LEO1: variants seen among roughly 807,000 people sequenced by gnomAD.
The protein encoded by LEO1 is LEO1 component of Paf1/RNA polymerase II complex.
LEO1 carries 34 observed loss-of-function variants against 80.4 expected under a neutral mutation model. The observed-to-expected ratio is 0.42, with a 90% CI of 0.32 to 0.56. The LOEUF (loss-of-function observed/expected upper bound fraction) is 0.56, where lower values mean the gene tolerates loss of function less well. Ranked by LOEUF, LEO1 falls within the 20% of genes least tolerant of loss-of-function variation. The probability of loss-of-function intolerance (pLI) is 0.10; values close to 1 mark genes in which losing one functional copy is unlikely to be tolerated. For synonymous variants in LEO1, 262 were observed against 274.9 expected, an observed-to-expected ratio of 0.95 and a Z score of 0.46; for missense variants, 631 against 814.2, an observed-to-expected ratio of 0.77 and a Z score of 2.74.
rs1269227232 is a variant in LEO1, at chr15:51,965,888, C to A, written c.675G>T (p.Glu225Asp). ...GTTCTTCATCATCAGAATTCTGTTT[C>A]TCATCATCATTATCAGAAGCTACCG... ...ERPVASDNDD[E>D]KQNSDDEEQP... Residue 225 changes from glutamate (E) to aspartate (D), a missense_variant, in exon 2 of 12, where the codon GAG (glutamate) becomes GAT (aspartate). Around this residue, in one of 4 missense-constraint regions of LEO1, gnomAD observed 394 missense variants for 395.6 expected, o/e 1.00. Transcript: ENST00000299601. 1.8e-5 allele frequency: 29 copies of A among 1,613,946 alleles called. No homozygotes were observed. The highest frequency in any genetic ancestry group is 4.2e-6 in the Non-Finnish European group (5 of 1,180,028).
At position 51,965,913 on chromosome 15, in the gene LEO1, G is replaced by A. The variant is rs143527162; in HGVS notation, c.650C>T (p.Pro217Leu). The change falls in exon 2 of 12, where the codon CCG becomes CTG. Residue 217 changes from proline to leucine, a missense_variant. Transcript: ENST00000299601. ...EEKANSDDER[P>L]VASDNDDEKQ... is the part of the protein sequence containing the mutation. ...CTCATCATCATTATCAGAAGCTACC[G>A]GCCGTTCATCATCAGAATTAGCCTT... 3.5e-5 allele frequency: 57 copies of A among 1,613,796 alleles called. No homozygotes were observed. The highest frequency in any genetic ancestry group is 1.7e-4 in the African/African-American group (13 of 74,852).
chr15:51,968,280 T>A (rs1464505192), intron 1 of LEO1, among the ~76,000 whole-genome samples: 1 of 152,062 alleles, frequency 6.6e-6, no homozygotes, highest in East Asian at 1.9e-4. Context: ...CGGTGGCTCA[T>A]GCCTGTAATC....
At chr15:51,962,612 G>C (rs764842322) in intron 2 of LEO1, 119 bp from the exon 3 acceptor site, 1 of 655,538 alleles carries the variant, frequency 1.5e-6, no homozygotes, top group African/African-American at 1.8e-5. Flanking sequence ...CAGCAATAAA[G>C]AGGAATGAAC....
At chr15:51,941,616 G>A (rs2593202) in intron 11 of LEO1, among the ~76,000 whole-genome samples, 66,606 of 151,868 alleles carry the variant, frequency 0.44, 14,848 homozygotes, top group Admixed American at 0.52. Flanking sequence ...ACAGAGTACC[G>A]GCACACACTT....
intron 5 of LEO1, 98 bp from the exon 6 acceptor site, chr15:51,958,924 A>C (rs2057009588): frequency 3.6e-6 from 2 of 554,854 alleles, no homozygotes; most frequent in Admixed American, 3.6e-5. Flanking sequence ...TTATATCAAA[A>C]AATCATAATA....
rs767663784 is a variant in LEO1, at chr15:51,938,155, TTCAA to T, written c.1998_2001del (p.Asp666GlufsTer3). ...TATAAAATGTTTTCATATTTCATAC[TTCAA>T]TCATCATCTTCTTCCTCTTCATCGC... is the stretch of plus-strand genomic sequence containing the variant. On this transcript the variant is annotated frameshift_variant and stop_lost, in exon 12 of 12. Coordinates refer to ENST00000299601, the MANE Select transcript of LEO1 (RefSeq NM_138792.4). LOFTEE classifies it high-confidence loss of function. 3 of 1,495,918 alleles carry T rather than the reference TTCAA, an allele frequency of 2.0e-6. No homozygotes were observed. The highest frequency in any genetic ancestry group is 4.5e-5 in the East Asian group (2 of 44,264). The allele number at this position is 1,495,918 out of a possible 1,614,324, so 92.7% of individuals were successfully genotyped here.
intron 6 of LEO1, among the ~76,000 whole-genome samples, chr15:51,955,424 A>T (rs2570270): frequency 0.048 from 7,243 of 152,302 alleles, 406 homozygotes; most frequent in African/African-American, 0.12. Context: ...TTAGAGCCTA[A>T]CTATCTTACC....
chr15:51,970,110 A>G (rs2057110970), intron 1 of LEO1, among the ~76,000 whole-genome samples: 1 of 152,118 alleles, frequency 6.6e-6, no homozygotes, highest in South Asian at 2.1e-4. Context: ...ACTCCTACAT[A>G]ATACCCTCCT....
chr15:51,960,077 A>T, intron 4 of LEO1, 33 bp from the exon 5 acceptor site: 1 of 1,575,760 alleles, frequency 6.3e-7, no homozygotes. Flanking sequence ...GGAGCTTGAC[A>T]GGACCTTAGA....
Position 51,949,853 on chromosome 15 carries a change from T to TG in LEO1, c.1752dup (p.Ile585HisfsTer7). 6.2e-7 allele frequency: 1 copy of TG among 1,614,038 alleles called. No homozygotes were observed. Among genetic ancestry groups the TG allele is most frequent in the South Asian group, 1.1e-5 (1 of 91,070 alleles). ...CGGTTTTTAATGGCAGCCAAGCTGA[T>TG]GGACTCCTCGCCTTCCTCCTCCTCA... On this transcript the variant is annotated frameshift_variant, in exon 10 of 12. Coordinates refer to ENST00000299601, the MANE Select transcript of LEO1 (RefSeq NM_138792.4). LOFTEE classifies it high-confidence loss of function.
At chr15:51,958,969 G>T in intron 5 of LEO1, 143 bp from the exon 6 acceptor site, 1 of 487,496 alleles carries the variant, frequency 2.1e-6, no homozygotes, top group Admixed American at 4.0e-5. Context: ...ATATCTTCAT[G>T]CTTAACTTCA....
At chr15:51,965,154 G>T (rs2057064911) in intron 2 of LEO1, among the ~76,000 whole-genome samples, 1 of 152,172 alleles carries the variant, frequency 6.6e-6, no homozygotes, top group South Asian at 2.1e-4. Context: ...TGCCCCCGGG[G>T]AAACATATGG....
chr15:51,962,547 G>T, intron 2 of LEO1, 54 bp from the exon 3 acceptor site: 1 of 1,324,962 alleles, frequency 7.5e-7, no homozygotes, highest in Non-Finnish European at 1.1e-6. Context: ...GTTGAATTTT[G>T]TGTTTTAAAA....
At chr15:51,942,676 C>CT (rs1218061642) in intron 11 of LEO1, among the ~76,000 whole-genome samples, 1 of 152,120 alleles carries the variant, frequency 6.6e-6, no homozygotes, top group Non-Finnish European at 1.5e-5. Context: ...AATCCCAGCA[C>CT]TTTGAGAGGC....
Position 51,966,052 on chromosome 15 carries a change from A to C in LEO1, c.511T>G (p.Ser171Ala). 1.9e-6 allele frequency: 3 copies of C among 1,613,826 alleles called. No homozygotes were observed. Among genetic ancestry groups the C allele is most frequent in the Non-Finnish European group, 2.5e-6 (3 of 1,180,000 alleles). ...GAATTCTGCAGCTTATCTTCATCAG[A>C]TCCTTGTGCCCTCTCCTCATCATCA... The part of the protein sequence containing the change: ...NSDDEERAQG[S>A]DEDKLQNSDD... Residue 171 changes from serine (S) to alanine (A), a missense_variant, in exon 2 of 12, where the codon TCT becomes GCT. Physicochemically the swap from Ser to Ala is moderately conservative, Grantham distance 99. Coordinates refer to ENST00000299601, the MANE Select transcript of LEO1 (RefSeq NM_138792.4).
chr15:51,967,618 AAG>A (rs751026947), intron 1 of LEO1, among the ~76,000 whole-genome samples: 1 of 152,234 alleles, frequency 6.6e-6, no homozygotes, highest in Non-Finnish European at 1.5e-5. Context: ...GTCAAAGACA[AAG>A]AAACAATTCC....
At chr15:51,953,859 G>C (rs1471822650) in intron 7 of LEO1, among the ~76,000 whole-genome samples, 1 of 151,914 alleles carries the variant, frequency 6.6e-6, no homozygotes, top group Non-Finnish European at 1.5e-5. Flanking sequence ...GCACTTGGGA[G>C]ATGGGAGGAT....
At chr15:51,965,531 C>G (rs1056117206) in intron 2 of LEO1, among the ~76,000 whole-genome samples, 1 of 152,126 alleles carries the variant, frequency 6.6e-6, no homozygotes, top group South Asian at 2.1e-4. Context: ...TTCCCCCAGA[C>G]CTATCCATTA....
chr15:51,955,297 A>C (rs899932972), intron 6 of LEO1, among the ~76,000 whole-genome samples: 7 of 151,652 alleles, frequency 4.6e-5, no homozygotes, highest in Non-Finnish European at 1.0e-4. Flanking sequence ...AGAGCTAAAA[A>C]CTCCATAAAA....
Sources: allele counts gnomAD v4.1 joint callset (sites outside exome capture counted in the v4.1 genomes callset), GRCh38; gene constraint gnomAD v4.1.1; regional missense constraint gnomAD v4.1.1; transcripts MANE v1.5; gene names NCBI Gene and HGNC (gene_info 2026-07-23, HGNC 2026-07-21).